ADAM23: variants seen among roughly 807,000 people sequenced by gnomAD.
ADAM23 encodes the protein ADAM metallopeptidase domain 23, also known as disintegrin and metalloproteinase domain-containing protein 23.
In ADAM23, 33 loss-of-function variants were observed where a neutral mutation model predicts 120.1. The observed-to-expected ratio is 0.27, with a 90% CI of 0.21 to 0.37. The LOEUF is 0.37. ADAM23 is among the 10% of genes least tolerant of loss of function. The probability of loss-of-function intolerance (pLI) is 1.00; values close to 1 mark genes in which losing one functional copy is unlikely to be tolerated. For synonymous variants in ADAM23, 367 were observed against 375.2 expected (o/e 0.98, Z 0.25); for missense variants, 862 against 1,058.2 (o/e 0.81, Z 2.57).
chr2:206,458,490 G>T (rs1695347738), intron 2 of ADAM23, among the ~76,000 whole-genome samples: 1 of 152,174 alleles, frequency 6.6e-6, no homozygotes, highest in Admixed American at 6.5e-5. Context: ...GACTACATTG[G>T]GATGCACATG....
At chr2:206,592,768 G>C (rs3732077) in intron 22 of ADAM23, 32 bp downstream of exon 22, 2 of 1,572,636 alleles carry the variant, frequency 1.3e-6, no homozygotes, top group Admixed American at 1.8e-5. Flanking sequence ...GACCTAATAA[G>C]CCATGAGAAT....
intron 2 of ADAM23, among the ~76,000 whole-genome samples, chr2:206,448,806 A>C (rs1275498334): frequency 6.6e-6 from 1 of 152,228 alleles, no homozygotes; most frequent in South Asian, 2.1e-4. Context: ...TCCTCGCCCT[A>C]TGTGTCTCTT....
At chr2:206,542,693 C>T (rs1697317787) in intron 5 of ADAM23, among the ~76,000 whole-genome samples, 1 of 152,168 alleles carries the variant, frequency 6.6e-6, no homozygotes, top group African/African-American at 2.4e-5. Flanking sequence ...AACTTTTCGC[C>T]CTTTTATAAA....
intron 18 of ADAM23, among the ~76,000 whole-genome samples, chr2:206,573,699 C>A (rs1157541326): frequency 6.6e-6 from 1 of 152,044 alleles, no homozygotes; most frequent in Non-Finnish European, 1.5e-5. Context: ...GTAACATCAC[C>A]CAGATAACTG....
At chr2:206,458,877 C>A (rs1695356157) in intron 2 of ADAM23, among the ~76,000 whole-genome samples, 1 of 152,112 alleles carries the variant, frequency 6.6e-6, no homozygotes, top group South Asian at 2.1e-4. Flanking sequence ...ATTATAAAAC[C>A]ATGACAAATA....
rs115328503 is a variant in ADAM23 at position 206,483,594 on chromosome 2, T to A, written c.509+2286T>A. 5.7e-4 allele frequency among the ~76,000 whole-genome samples: 86 copies of A among 150,984 alleles called. 1 individual carries two copies. Among genetic ancestry groups the A allele is most frequent in the African/African-American group, 2.0e-3 (81 of 41,108 alleles). On this transcript the variant is annotated intron_variant, in intron 3 of 25. Coordinates refer to ENST00000264377, the MANE Select transcript of ADAM23 (RefSeq NM_003812.4). ...ACCCATGAAGGAAATTGAGAAGGAG[T>A]GATTGGAGAAATAGGACAATCAGGA...
Position 206,477,899 on chromosome 2 carries a change from T to TATATATATATATAC in ADAM23, c.433-3320_433-3319insCATATATATATATA, listed in dbSNP as rs1553548678. Among the ~76,000 whole-genome samples, 642 of 106,256 alleles carry TATATATATATATAC rather than the reference T, an allele frequency of 6.0e-3. 3 individuals are homozygous for TATATATATATATAC. Among genetic ancestry groups the TATATATATATATAC allele is most frequent in the Admixed American group, 7.6e-3 (80 of 10,558 alleles). The allele number at this position is 106,256 out of a possible 152,430, so 69.7% of individuals were successfully genotyped here. A position where few individuals can be genotyped will look rare whatever the true frequency, so the allele number is the denominator to read the frequency against. ...TTCTGTTAAAAAAAAAAAAAAAAAA[T>TATATATATATATAC]ATATATATATATATATATATATAAA... On this transcript the variant is annotated intron_variant, in intron 2 of 25. Coordinates refer to ENST00000264377, the MANE Select transcript of ADAM23 (RefSeq NM_003812.4).
intron 3 of ADAM23, among the ~76,000 whole-genome samples, chr2:206,498,291 A>T (rs1384941202): frequency 6.6e-6 from 1 of 152,236 alleles, no homozygotes; most frequent in Non-Finnish European, 1.5e-5. Context: ...TGTTACTGGT[A>T]CCAAAACAGA....
chr2:206,471,031 A>G (rs1438728013), intron 2 of ADAM23, among the ~76,000 whole-genome samples: 2 of 152,202 alleles, frequency 1.3e-5, no homozygotes, highest in Non-Finnish European at 2.9e-5. Context: ...TGGTATAGAG[A>G]TCCCAACATA....
chr2:206,588,053 T>A lies in ADAM23; in HGVS notation c.1789-38T>A, dbSNP rs1698356869. 5.0e-6 allele frequency: 8 copies of A among 1,610,174 alleles called. No individual in the cohort carries two copies. The East Asian group carries it at 1.8e-4, about 36-fold the overall frequency. On this transcript the variant is annotated intron_variant, in intron 19 of 25. Transcript: ENST00000264377. ...AGTAAAAACATTGGGGAAGACAAAC[T>A]GACTCTGTGTGCCTCACATGTGTGC...
intron 24 of ADAM23, among the ~76,000 whole-genome samples, chr2:206,600,574 G>A (rs142047797): frequency 2.6e-5 from 4 of 152,246 alleles, no homozygotes; most frequent in South Asian, 2.1e-4. Context: ...CTATGACTCC[G>A]TCTTCACTGA....
At chr2:206,519,794 T>C (rs1696807596) in intron 3 of ADAM23, among the ~76,000 whole-genome samples, 1 of 152,088 alleles carries the variant, frequency 6.6e-6, no homozygotes, top group African/African-American at 2.4e-5. Flanking sequence ...GGAGGATTGC[T>C]TGAGCCCAGG....
intron 24 of ADAM23, among the ~76,000 whole-genome samples, chr2:206,607,479 C>G (rs983306777): frequency 6.6e-6 from 1 of 152,110 alleles, no homozygotes; most frequent in African/African-American, 2.4e-5. Flanking sequence ...CTTAAATGTA[C>G]TAATTGAAAG....
intron 3 of ADAM23, among the ~76,000 whole-genome samples, chr2:206,496,951 GGAA>G (rs1366725581): frequency 2.0e-5 from 3 of 152,152 alleles, no homozygotes; most frequent in African/African-American, 7.2e-5. Context: ...GACTAAACCA[GGAA>G]GAAGTTGAAT....
At position 206,541,605 on chromosome 2, in the gene ADAM23, A is replaced by G. The variant is rs564400463; in HGVS notation, c.574-447A>G. ...ATTTGACTTTGAAAACTACATTCATATATTGCTTCTAAAATGTTTTTAAAG... is the reference window on the plus strand; with the variant it reads ...ATTTGACTTTGAAAACTACATTCATGTATTGCTTCTAAAATGTTTTTAAAG... On this transcript the variant is annotated intron_variant, in intron 4 of 25. Coordinates refer to ENST00000264377, the MANE Select transcript of ADAM23 (RefSeq NM_003812.4). Among the ~76,000 whole-genome samples, 4 of 152,300 alleles carry G rather than the reference A, an allele frequency of 2.6e-5. No homozygotes were observed. In the South Asian group the frequency reaches 8.3e-4, roughly 32 times the overall value.
intron 7 of ADAM23, 35 bp downstream of exon 7, chr2:206,547,536 T>G (rs1333853656): frequency 6.5e-7 from 1 of 1,549,766 alleles, no homozygotes; most frequent in Non-Finnish European, 8.9e-7. Flanking sequence ...TTATATTTTA[T>G]GTAGTATGAG....
intron 3 of ADAM23, among the ~76,000 whole-genome samples, chr2:206,499,176 GC>G (rs1559235426): frequency 1.5e-3 from 223 of 151,938 alleles, no homozygotes; most frequent in African/African-American, 5.1e-3. Flanking sequence ...AAATCATGCT[GC>G]TATAAAGACA....
chr2:206,484,997 C>A (rs984532677), intron 3 of ADAM23, among the ~76,000 whole-genome samples: 1 of 152,196 alleles, frequency 6.6e-6, no homozygotes, highest in African/African-American at 2.4e-5. Context: ...TATAAGGCAT[C>A]CCCAGCCATA....
At chr2:206,571,861 G>A in intron 17 of ADAM23, 45 bp downstream of exon 17, 1 of 1,528,014 alleles carries the variant, frequency 6.5e-7, no homozygotes, top group South Asian at 1.1e-5. Flanking sequence ...TGACAGATTA[G>A]CCAGATATCT....
Sources: gnomAD v4.1 joint callset for allele counts (sites outside exome capture counted in the v4.1 genomes callset) on GRCh38, gnomAD v4.1.1 for gene constraint, MANE v1.5 for transcripts, NCBI Gene and HGNC (gene_info 2026-07-23, HGNC 2026-07-21) for gene names.